The following DTNB variants were observed in gnomAD, a reference collection of about 807,000 sequenced individuals.
DTNB encodes the protein DTN-B.
In DTNB, 63 loss-of-function variants were observed where a neutral mutation model predicts 90.7. That is an observed-to-expected ratio of 0.69 (90% CI 0.57 to 0.86). The LOEUF is 0.86. Ranked by LOEUF, DTNB falls within the 40% of genes least tolerant of loss-of-function variation. DTNB has a pLI of 0.00. For missense variants in DTNB, 744 were observed against 807.1 expected (o/e 0.92, Z 0.95); for synonymous variants, 277 against 286.7 (o/e 0.97, Z 0.34).
chr2:25,450,649 A>G (rs766212292), intron 12 of DTNB, among the ~76,000 whole-genome samples: 7 of 152,194 alleles, frequency 4.6e-5, no homozygotes, highest in Non-Finnish European at 1.0e-4. Context: ...TGCCATCCTA[A>G]CAATATTAAA....
intron 12 of DTNB, among the ~76,000 whole-genome samples, chr2:25,442,675 T>C (rs1212069129): frequency 6.6e-6 from 1 of 152,242 alleles, no homozygotes; most frequent in African/African-American, 2.4e-5. Flanking sequence ...ACACTGGTAG[T>C]GTATATCTGA....
chr2:25,406,615 CAT>C (rs1166457818), intron 16 of DTNB, among the ~76,000 whole-genome samples: 3 of 151,720 alleles, frequency 2.0e-5, no homozygotes, highest in Non-Finnish European at 4.4e-5. Context: ...CAAAAAAACA[CAT>C]ATGTTTTTCT....
intron 3 of DTNB, among the ~76,000 whole-genome samples, chr2:25,633,075 G>T (rs184008974): frequency 1.3e-5 from 2 of 151,896 alleles, no homozygotes; most frequent in Non-Finnish European, 2.9e-5. Context: ...AATATGAGTC[G>T]AGAACAATTG....
chr2:25,413,630 G>A (rs867368944), intron 16 of DTNB, among the ~76,000 whole-genome samples: 16 of 152,062 alleles, frequency 1.1e-4, no homozygotes, highest in African/African-American at 3.6e-4. Flanking sequence ...ATTCCATCGT[G>A]TATATGTGCC....
chr2:25,642,816 C>G (rs899519603), intron 2 of DTNB, among the ~76,000 whole-genome samples: 1 of 151,644 alleles, frequency 6.6e-6, no homozygotes, highest in Non-Finnish European at 1.5e-5. Flanking sequence ...TGCAGTGGCG[C>G]GATCTCAGCT....
chr2:25,541,153 T>C (rs2081168170), intron 8 of DTNB, among the ~76,000 whole-genome samples: 1 of 151,490 alleles, frequency 6.6e-6, no homozygotes. Context: ...AAGAATAAAG[T>C]TCACTGCTTT....
chr2:25,553,154 T>C (rs989614296), intron 8 of DTNB, among the ~76,000 whole-genome samples: 3 of 152,076 alleles, frequency 2.0e-5, no homozygotes, highest in African/African-American at 7.2e-5. Flanking sequence ...GATCTCACTA[T>C]GTTGCCCAGG....
intron 16 of DTNB, among the ~76,000 whole-genome samples, chr2:25,418,019 G>A (rs1036030173): frequency 1.3e-5 from 2 of 152,212 alleles, no homozygotes; most frequent in Non-Finnish European, 2.9e-5. Context: ...AGCATGTAAT[G>A]GCTGGGCTTG....
At chr2:25,427,819 A>C in intron 14 of DTNB, 188 bp from the exon 15 acceptor site, 1 of 477,146 alleles carries the variant, frequency 2.1e-6, no homozygotes. Flanking sequence ...TGTTCTGAGA[A>C]TAATAGGTAA....
At chr2:25,523,531 C>A (rs567541561) in intron 9 of DTNB, among the ~76,000 whole-genome samples, 2 of 151,482 alleles carry the variant, frequency 1.3e-5, no homozygotes, top group East Asian at 3.9e-4. Flanking sequence ...GTCCTAGCTA[C>A]TCAGGAGGCT....
intron 6 of DTNB, among the ~76,000 whole-genome samples, chr2:25,587,346 C>A (rs2062638681): frequency 6.6e-6 from 1 of 152,178 alleles, no homozygotes; most frequent in Non-Finnish European, 1.5e-5. Context: ...GCCATTGAGC[C>A]ACTGAATAAA....
At chr2:25,575,275 C>A (rs1234073626) in intron 8 of DTNB, among the ~76,000 whole-genome samples, 9 of 149,580 alleles carry the variant, frequency 6.0e-5, no homozygotes, top group Non-Finnish European at 4.4e-5. Context: ...AAAACATTAA[C>A]AATTAACATA....
chr2:25,394,932 G>C (rs938188431), intron 16 of DTNB, among the ~76,000 whole-genome samples: 8 of 152,134 alleles, frequency 5.3e-5, no homozygotes, highest in African/African-American at 1.7e-4. Flanking sequence ...ACTTGCATAC[G>C]CATGTTTATA....
intron 16 of DTNB, among the ~76,000 whole-genome samples, chr2:25,413,753 T>C (rs2047192002): frequency 6.6e-6 from 1 of 152,210 alleles, no homozygotes; most frequent in South Asian, 2.1e-4. Context: ...TGTGCATGTG[T>C]CTTTATAGCA....
chr2:25,388,865 G>C (rs1010465077), intron 16 of DTNB, among the ~76,000 whole-genome samples: 1 of 149,846 alleles, frequency 6.7e-6, no homozygotes, highest in Non-Finnish European at 1.5e-5. Context: ...TATCTTTTTT[G>C]GAGACAGAGT....
At chr2:25,548,776 ATGC>A (rs2082983516) in intron 8 of DTNB, among the ~76,000 whole-genome samples, 1 of 152,184 alleles carries the variant, frequency 6.6e-6, no homozygotes, top group South Asian at 2.1e-4. Context: ...TAAGGATCTG[ATGC>A]TTTTAGCAGA....
chr2:25,427,340 T>C (rs2052135885), intron 15 of DTNB, 195 bp downstream of exon 15: 1 of 521,166 alleles, frequency 1.9e-6, no homozygotes, highest in Non-Finnish European at 3.4e-6. Flanking sequence ...TTCCAGTTAC[T>C]AATTTTTTAA....
rs1389731877 is a variant in DTNB at position 25,392,434 on chromosome 2, ATGAG to A, written c.1576-4077_1576-4074del. Among the ~76,000 whole-genome samples, 14 of 152,320 alleles carry A rather than the reference ATGAG, an allele frequency of 9.2e-5. No homozygotes were observed. In the East Asian group the frequency reaches 1.9e-3, roughly 21 times the overall value. ...CAAAAATGAATGAATGAATGAATGA[ATGAG>A]TGAGTGAATGAAACCAAAAGCTGGT... On this transcript the variant is annotated intron_variant, in intron 16 of 20. Coordinates refer to ENST00000406818, the MANE Select transcript of DTNB (RefSeq NM_021907.5).
chr2:25,524,810 T>G (rs1458975571), intron 9 of DTNB, among the ~76,000 whole-genome samples: 1 of 152,172 alleles, frequency 6.6e-6, no homozygotes, highest in Middle Eastern at 3.2e-3. Context: ...GTCATTCCAG[T>G]CCACAACGGA....
Sources: gnomAD v4.1 joint callset for allele counts (sites outside exome capture counted in the v4.1 genomes callset) on GRCh38, gnomAD v4.1.1 for gene constraint, MANE v1.5 for transcripts, NCBI Gene and HGNC (gene_info 2026-07-23, HGNC 2026-07-21) for gene names.